The following LMX1B variants were observed in gnomAD, a reference collection of about 807,000 sequenced individuals.
LMX1B encodes the protein LIM homeobox transcription factor 1 beta.
LMX1B carries 12 observed loss-of-function variants against 51.4 expected under a neutral mutation model. That is an observed-to-expected ratio of 0.23 (90% CI 0.15 to 0.38). LMX1B has a LOEUF of 0.38. Ranked by LOEUF, LMX1B falls within the 10% of genes least tolerant of loss-of-function variation. The pLI is 1.00. For missense variants in LMX1B, 445 were observed against 571.1 expected (o/e 0.78, Z 2.25); for synonymous variants, 237 against 235.4 (o/e 1.01, Z -0.06).
chr9:126,624,599 C>T (rs895849246), intron 2 of LMX1B, among the ~76,000 whole-genome samples: 1 of 152,064 alleles, frequency 6.6e-6, no homozygotes, highest in African/African-American at 2.4e-5. Flanking sequence ...ATGCTAGGGC[C>T]GACCCCAGCC....
chr9:126,689,497 T>C (rs1340345087), intron 2 of LMX1B, among the ~76,000 whole-genome samples: 1 of 152,138 alleles, frequency 6.6e-6, no homozygotes, highest in Non-Finnish European at 1.5e-5. Flanking sequence ...TGAAAAATGG[T>C]TTTAATTCCC....
chr9:126,688,862 G>A (rs1588304047), intron 2 of LMX1B, among the ~76,000 whole-genome samples: 1 of 152,314 alleles, frequency 6.6e-6, no homozygotes, highest in South Asian at 2.1e-4. Context: ...GCCCCCTTGA[G>A]GATCAGATGG....
intron 2 of LMX1B, among the ~76,000 whole-genome samples, chr9:126,660,961 C>T (rs1836232455): frequency 6.6e-6 from 1 of 152,186 alleles, no homozygotes; most frequent in African/African-American, 2.4e-5. Flanking sequence ...AGTGCTCAAC[C>T]AGTCAAGGGA....
At chr9:126,624,151 C>T (rs1275022405) in intron 2 of LMX1B, among the ~76,000 whole-genome samples, 1 of 152,250 alleles carries the variant, frequency 6.6e-6, no homozygotes, top group Non-Finnish European at 1.5e-5. Context: ...GATCCTGGGA[C>T]GCGCTAGGCT....
At chr9:126,678,234 C>T (rs145878270) in intron 2 of LMX1B, among the ~76,000 whole-genome samples, 3 of 149,308 alleles carry the variant, frequency 2.0e-5, no homozygotes, top group South Asian at 2.2e-4. Context: ...CGCTTGAATC[C>T]GGGAGGTGGA....
intron 2 of LMX1B, among the ~76,000 whole-genome samples, chr9:126,638,057 T>G (rs1835746031): frequency 1.3e-5 from 2 of 151,154 alleles, no homozygotes; most frequent in Non-Finnish European, 3.0e-5. Context: ...TTGTCCAGGC[T>G]GGGATCTCAG....
At chr9:126,693,463 C>T in intron 4 of LMX1B, 61 bp from the exon 5 acceptor site, 1 of 1,583,452 alleles carries the variant, frequency 6.3e-7, no homozygotes, top group Non-Finnish European at 8.7e-7. Context: ...TACCCCTAAA[C>T]CCACCATCTC....
Position 126,618,888 on chromosome 9 carries a change from G to A in LMX1B, c.326+3319G>A, listed in dbSNP as rs1174322489. On this transcript the variant is annotated intron_variant, in intron 2 of 7. Transcript: ENST00000373474. The surrounding 1 kb of genome is among the most constrained non-coding windows in gnomAD (Gnocchi z 4.5). ...TCCCAGGTTTGGCGACCCGAGACCC[G>A]CTGGGGTGCAAGCGGGCGCCTTTGT... Among the ~76,000 whole-genome samples the A allele has an allele frequency of 6.6e-6, 1 of 152,106 alleles. No homozygotes were observed. The highest frequency in any genetic ancestry group is 1.5e-5 in the Non-Finnish European group (1 of 68,006).
At chr9:126,688,339 TAAG>T (rs1422443588) in intron 2 of LMX1B, among the ~76,000 whole-genome samples, 1 of 152,188 alleles carries the variant, frequency 6.6e-6, no homozygotes, top group East Asian at 1.9e-4. Context: ...TTCCCCAGCC[TAAG>T]AAGGTTTCCT....
Position 126,614,035 on chromosome 9 carries a change from C to A in LMX1B, c.-415C>A. 2.4e-5 allele frequency among the ~76,000 whole-genome samples: 3 copies of A among 125,364 alleles called. No individual in the cohort carries two copies. The highest frequency in any genetic ancestry group is 2.7e-4 in the South Asian group (1 of 3,760). 82.2% of individuals were successfully genotyped at this position (125,364 alleles called of 152,430 possible). On this transcript the variant is annotated 5_prime_UTR_variant, in exon 1 of 8. It adds an upstream start codon to the 5' untranslated region. Transcript: ENST00000373474. ...CCGCTGCGCCCCGCCCGGGACCCCGCTGCGCCGCGCGCCCCCCCCGCGGCC... is the reference window on the plus strand; with the variant it reads ...CCGCTGCGCCCCGCCCGGGACCCCGATGCGCCGCGCGCCCCCCCCGCGGCC...
rs192614210 is a variant in LMX1B, at chr9:126,695,537, C to T, written c.887-302C>T. ...CCTGGGTCTGGGACCTTGGTGCTCC[C>T]AGATGCAGCGCAGAATCACTATTGC... On this transcript the variant is annotated intron_variant, in intron 6 of 7. Coordinates refer to ENST00000373474, the MANE Select transcript of LMX1B (RefSeq NM_001174147.2). This position sits in a 1 kb window ranked among gnomAD's most constrained non-coding sequence, Gnocchi z 5.2. Among the ~76,000 whole-genome samples the T allele has an allele frequency of 2.2e-3, 332 of 152,326 alleles. No homozygotes were observed. The highest frequency in any genetic ancestry group is 7.5e-3 in the African/African-American group (310 of 41,578).
At chr9:126,687,223 T>TC (rs893612167) in intron 2 of LMX1B, among the ~76,000 whole-genome samples, 3 of 151,648 alleles carry the variant, frequency 2.0e-5, no homozygotes, top group Non-Finnish European at 4.4e-5. Flanking sequence ...TTCCCTTTTT[T>TC]TTTTTATTTT....
In LMX1B at chr9:126,671,160, G is replaced by A. The variant is rs1211102054; in HGVS notation, c.327-19676G>A. Reference sequence around the variant, plus strand: ...TGCCCAGCTCACCAGCCGTTGGCAGGAATTCAATCCCACCCCAGTAAACCC... The same window carrying A: ...TGCCCAGCTCACCAGCCGTTGGCAGAAATTCAATCCCACCCCAGTAAACCC... On this transcript the variant is annotated intron_variant, in intron 2 of 7. Coordinates refer to ENST00000373474, the MANE Select transcript of LMX1B (RefSeq NM_001174147.2). This position sits in a 1 kb window ranked among gnomAD's most constrained non-coding sequence, Gnocchi z 4.4. Among the ~76,000 whole-genome samples, 3 of 152,218 alleles carry A rather than the reference G, an allele frequency of 2.0e-5. No individual in the cohort carries two copies. The highest frequency in any genetic ancestry group is 4.8e-5 in the African/African-American group (2 of 41,452).
At chr9:126,662,233 G>A (rs560043063) in intron 2 of LMX1B, among the ~76,000 whole-genome samples, 1 of 152,294 alleles carries the variant, frequency 6.6e-6, no homozygotes, top group Non-Finnish European at 1.5e-5. Context: ...GCCTTGTACT[G>A]GGAGGCTGTG....
chr9:126,624,282 C>T (rs892005195), intron 2 of LMX1B, among the ~76,000 whole-genome samples: 2 of 152,172 alleles, frequency 1.3e-5, no homozygotes, highest in African/African-American at 2.4e-5. Context: ...GGGCCTTACG[C>T]GGTCCAGAAA....
rs1286398750 is a variant in LMX1B, at chr9:126,658,645, ATAGT to A, written c.327-32187_327-32184del. 3.3e-5 allele frequency among the ~76,000 whole-genome samples: 5 copies of A among 152,380 alleles called. No individual in the cohort carries two copies. In the East Asian group the frequency reaches 9.6e-4, roughly 29 times the overall value. On this transcript the variant is annotated intron_variant, in intron 2 of 7. Transcript: ENST00000373474. The surrounding 1 kb of genome is among the most constrained non-coding windows in gnomAD (Gnocchi z 4.0). Reference sequence around the variant, plus strand: ...CGGCAGCGTTATTACCTTGTCATAAATAGTTAGGGGAAGGCCCCCGAACGAGGCA... The same window carrying A: ...CGGCAGCGTTATTACCTTGTCATAAATAGGGGAAGGCCCCCGAACGAGGCA...
In LMX1B at chr9:126,614,130, G is replaced by GCCT. The variant is rs1455394114; in HGVS notation, c.-314_-312dup. 7.3e-6 allele frequency among the ~76,000 whole-genome samples: 1 copy of GCCT among 136,372 alleles called. No homozygotes were observed. Among genetic ancestry groups the GCCT allele is most frequent in the Non-Finnish European group, 1.6e-5 (1 of 63,316 alleles). The allele number at this position is 136,372 out of a possible 152,430, so 89.5% of individuals were successfully genotyped here. The stretch of plus-strand genomic sequence containing the variant: ...CGCCGCCACCGCCACCGCCGCCGCC[G>GCCT]CCTCCTCCCCGCGGCTCCGTCTGCA... On this transcript the variant is annotated 5_prime_UTR_variant, in exon 1 of 8. Coordinates refer to ENST00000373474, the MANE Select transcript of LMX1B (RefSeq NM_001174147.2).
intron 4 of LMX1B, 34 bp downstream of exon 4, chr9:126,693,357 A>T: frequency 1.9e-6 from 3 of 1,575,764 alleles, no homozygotes; most frequent in Non-Finnish European, 2.6e-6. Flanking sequence ...GCTCAGGCTG[A>T]TGCCCGCACA....
At chr9:126,690,410 G>A (rs547768993) in intron 2 of LMX1B, among the ~76,000 whole-genome samples, 89 of 152,358 alleles carry the variant, frequency 5.8e-4, no homozygotes, top group Admixed American at 1.4e-3. Context: ...GGGTTGGGCA[G>A]GGCTGGGAAT....
Sources: gnomAD v4.1 joint callset for allele counts (sites outside exome capture counted in the v4.1 genomes callset) on GRCh38, gnomAD v4.1.1 for gene constraint, Gnocchi (gnomAD v3.1) non-coding constraint, MANE v1.5 for transcripts, NCBI Gene and HGNC (gene_info 2026-07-23, HGNC 2026-07-21) for gene names.